LDB3: variants seen among roughly 807,000 people sequenced by gnomAD.
LDB3 encodes the protein LIM domain binding 3.
LDB3 carries 49 observed loss-of-function variants against 69.0 expected under a neutral mutation model. That is an observed-to-expected ratio of 0.71 (90% CI 0.56 to 0.90). The LOEUF (loss-of-function observed/expected upper bound fraction) is 0.90, where lower values mean the gene tolerates loss of function less well. Ranked by LOEUF, LDB3 falls within the 40% of genes least tolerant of loss-of-function variation. The pLI, the probability that LDB3 is intolerant of heterozygous loss-of-function variation, is 0.00. For missense variants in LDB3, 928 were observed against 974.1 expected (o/e 0.95, Z 0.63); for synonymous variants, 387 against 396.2 (o/e 0.98, Z 0.28).
Position 86,733,458 on chromosome 10 carries a change from T to C in LDB3, c.*482T>C, listed in dbSNP as rs758593159. On this transcript the variant is annotated 3_prime_UTR_variant, in exon 14 of 14. Coordinates refer to ENST00000361373, the MANE Select transcript of LDB3 (RefSeq NM_007078.3). ...CTGAGAGCTTGTTAGCTAAGACCCA[T>C]TGGGCTTTCCTCACCAAAAAAGGAA... The C allele has an allele frequency of 1.3e-4, 23 of 179,210 alleles. No individual in the cohort carries two copies. The highest frequency in any genetic ancestry group is 2.6e-3 in the Middle Eastern group (1 of 378). The allele number at this position is 179,210 out of a possible 1,614,324, so 11.1% of individuals were successfully genotyped here. A position where few individuals can be genotyped will look rare whatever the true frequency, so the allele number is the denominator to read the frequency against.
chr10:86,718,368 A>G lies in LDB3; in HGVS notation c.1857+224A>G, dbSNP rs577894863. On this transcript the variant is annotated intron_variant, in intron 11 of 13. Coordinates refer to ENST00000361373, the MANE Select transcript of LDB3 (RefSeq NM_007078.3). ...TCCACACAGCTTGAAGTGGTGGTGGAACTTCTGCAAAGCAAGTGGTTGCTT... is the reference window on the plus strand; with the variant it reads ...TCCACACAGCTTGAAGTGGTGGTGGGACTTCTGCAAAGCAAGTGGTTGCTT... 1.9e-3 allele frequency among the ~76,000 whole-genome samples: 291 copies of G among 152,312 alleles called. 2 individuals are homozygous for G. Among genetic ancestry groups the G allele is most frequent in the African/African-American group, 6.8e-3 (282 of 41,580 alleles).
intron 7 of LDB3, among the ~76,000 whole-genome samples, chr10:86,697,310 C>T (rs1174802023): frequency 6.7e-6 from 1 of 148,702 alleles, no homozygotes; most frequent in Non-Finnish European, 1.5e-5. Context: ...CAACCTCCAC[C>T]ACCCAGGCTC....
chr10:86,707,635 C>A (rs1846491436), intron 8 of LDB3, among the ~76,000 whole-genome samples: 1 of 152,196 alleles, frequency 6.6e-6, no homozygotes, highest in Admixed American at 6.5e-5. Context: ...AGGCCTCCCA[C>A]CCTGGCCCCC....
chr10:86,681,372 C>T (rs1187636776), intron 4 of LDB3, 64 bp from the exon 5 acceptor site: 9 of 1,594,556 alleles, frequency 5.6e-6, no homozygotes, highest in Non-Finnish European at 7.6e-6. Context: ...CGCAGGAGCG[C>T]TGGGACGCGT....
At chr10:86,681,383 G>A (rs2132370517) in intron 4 of LDB3, 53 bp from the exon 5 acceptor site, 1 of 1,597,096 alleles carries the variant, frequency 6.3e-7, no homozygotes, top group Non-Finnish European at 8.5e-7. Flanking sequence ...TGGGACGCGT[G>A]TGGCCTCTAA....
In LDB3 at chr10:86,732,891, G is replaced by A; in HGVS notation, c.2099G>A (p.Cys700Tyr). The A allele has an allele frequency of 6.2e-7, 1 of 1,613,298 alleles. No individual in the cohort carries two copies. Among genetic ancestry groups the A allele is most frequent in the Non-Finnish European group, 8.5e-7 (1 of 1,179,520 alleles). ...WHDTCFICAVCHVNLEGQPFY... is the reference protein window; with the variant it reads ...WHDTCFICAVYHVNLEGQPFY... ...CAGGTCTGTTCTCTGCTCCAGGTCT[G>A]CCATGTGAATCTGGAGGGGCAGCCG... is the stretch of plus-strand genomic sequence containing the variant. Residue 700 changes from cysteine (C) to tyrosine (Y), a missense_variant, in exon 14 of 14, where the codon TGC (cysteine) becomes TAC (tyrosine). Physicochemically the swap from Cys to Tyr is radical, Grantham distance 194. Transcript: ENST00000361373.
intron 2 of LDB3, among the ~76,000 whole-genome samples, chr10:86,679,096 A>T (rs1387751811): frequency 6.6e-6 from 1 of 152,216 alleles, no homozygotes; most frequent in African/African-American, 2.4e-5. Context: ...TGCTAGAGGC[A>T]GACCTGGAAG....
chr10:86,690,019 G>C (rs1211455966), intron 5 of LDB3, among the ~76,000 whole-genome samples: 1 of 152,172 alleles, frequency 6.6e-6, no homozygotes, highest in Non-Finnish European at 1.5e-5. Flanking sequence ...AAGAGTCCCT[G>C]GTCTTTGCAC....
chr10:86,669,841 A>T (rs192993743), intron 2 of LDB3, among the ~76,000 whole-genome samples: 3 of 152,300 alleles, frequency 2.0e-5, no homozygotes. Context: ...TATCTGGGCT[A>T]CTGCCCACCA....
At chr10:86,705,303 G>A (rs1286052476) in intron 7 of LDB3, among the ~76,000 whole-genome samples, 1 of 152,168 alleles carries the variant, frequency 6.6e-6, no homozygotes, top group African/African-American at 2.4e-5. Flanking sequence ...CAACATCAGA[G>A]GGCTGCTGTG....
At chr10:86,727,556 C>G (rs1847299163) in intron 13 of LDB3, among the ~76,000 whole-genome samples, 1 of 152,182 alleles carries the variant, frequency 6.6e-6, no homozygotes, top group Non-Finnish European at 1.5e-5. Context: ...TGTCGGTTTG[C>G]TAGGGCTGTC....
chr10:86,688,065 G>GTGTGTGTA (rs1418552567), intron 5 of LDB3, among the ~76,000 whole-genome samples: 1 of 141,528 alleles, frequency 7.1e-6, no homozygotes. Context: ...GTGTGTGTGT[G>GTGTGTGTA]TGTGTGTGTG....
chr10:86,687,854 T>C (rs978404820), intron 5 of LDB3, among the ~76,000 whole-genome samples: 5 of 152,246 alleles, frequency 3.3e-5, no homozygotes, highest in African/African-American at 1.2e-4. Flanking sequence ...ATTCACCCAT[T>C]AGCTATGGCT....
intron 8 of LDB3, 122 bp downstream of exon 8, chr10:86,706,841 C>A: frequency 9.6e-7 from 1 of 1,043,054 alleles, no homozygotes. Flanking sequence ...TAGAGGAAGC[C>A]AAGGCCAGCG....
intron 5 of LDB3, among the ~76,000 whole-genome samples, chr10:86,682,606 G>A (rs1845224698): frequency 6.6e-6 from 1 of 152,190 alleles, no homozygotes; most frequent in Non-Finnish European, 1.5e-5. Context: ...CCCGCCCTGT[G>A]CAATTGGCAT....
chr10:86,672,176 A>C (rs1844519652), intron 2 of LDB3, among the ~76,000 whole-genome samples: 1 of 152,230 alleles, frequency 6.6e-6, no homozygotes, highest in Admixed American at 6.5e-5. Flanking sequence ...TCTTTCTAAC[A>C]GGCACTTGTG....
intron 13 of LDB3, chr10:86,732,601 A>C: frequency 2.1e-6 from 1 of 476,390 alleles, no homozygotes; most frequent in Middle Eastern, 5.1e-4. Flanking sequence ...TCCCGGGTTC[A>C]AGAGATTCTT....
chr10:86,669,001 T>C (rs1187346213), intron 2 of LDB3, among the ~76,000 whole-genome samples: 1 of 151,968 alleles, frequency 6.6e-6, no homozygotes, highest in Non-Finnish European at 1.5e-5. Context: ...GAGCAGGTGG[T>C]AGGTGTTTTT....
At chr10:86,676,781 C>CACTGGTG (rs376811811) in intron 2 of LDB3, among the ~76,000 whole-genome samples, 53 of 152,316 alleles carry the variant, frequency 3.5e-4, no homozygotes, top group Non-Finnish European at 5.1e-4. Flanking sequence ...ATGGGCTGGA[C>CACTGGTG]ACTGGTGACT....
Sources: allele counts gnomAD v4.1 joint callset (sites outside exome capture counted in the v4.1 genomes callset), GRCh38; gene constraint gnomAD v4.1.1; transcripts MANE v1.5; gene names NCBI Gene and HGNC (gene_info 2026-07-23, HGNC 2026-07-21).